Variants in FRY observed in about 807,000 individuals in gnomAD.
FRY encodes FRY microtubule binding protein, also known as protein furry homolog.
A neutral mutation model predicts 348.4 loss-of-function variants in FRY; 128 were observed. That is an observed-to-expected ratio of 0.37 (90% CI 0.32 to 0.43). The LOEUF (loss-of-function observed/expected upper bound fraction) is 0.43. Ranked by LOEUF, FRY falls within the 20% of genes least tolerant of loss-of-function variation. The pLI is 1.00. For synonymous variants in FRY, 1,370 were observed against 1,374.7 expected (o/e 1.00, Z 0.08); for missense variants, 2,736 against 3,695.2 (o/e 0.74, Z 6.73).
intron 1 of FRY, among the ~76,000 whole-genome samples, chr13:32,074,442 TCTC>T (rs1487865474): frequency 6.6e-6 from 1 of 152,146 alleles, no homozygotes; most frequent in Non-Finnish European, 1.5e-5. Context: ...GTAATGCTCT[TCTC>T]CTCCACTCCA....
intron 1 of FRY, among the ~76,000 whole-genome samples, chr13:32,044,126 AC>A (rs1872891056): frequency 6.6e-6 from 1 of 152,252 alleles, no homozygotes; most frequent in Non-Finnish European, 1.5e-5. Flanking sequence ...GTTAAAATTA[AC>A]AAGTTCAATA....
At chr13:32,190,654 T>C (rs1566121140) in intron 28 of FRY, among the ~76,000 whole-genome samples, 1 of 152,112 alleles carries the variant, frequency 6.6e-6, no homozygotes, top group Non-Finnish European at 1.5e-5. Context: ...CATAGAAATA[T>C]ATAAGGCATT....
Position 32,288,844 on chromosome 13 carries a change from A to G in FRY, c.8470-789A>G, listed in dbSNP as rs79505588. On this transcript the variant is annotated intron_variant, in intron 58 of 60. Transcript: ENST00000542859. ...TGGGAGCAAACTCATTCTTGGAATA[A>G]AATAGGCAAAGTGTAGAGGGTACAG... Among the ~76,000 whole-genome samples the G allele has an allele frequency of 4.3e-3, 659 of 152,332 alleles. 10 individuals carry two copies. Among genetic ancestry groups the G allele is most frequent in the African/African-American group, 0.015 (631 of 41,574 alleles).
chr13:32,250,658 C>T (rs770872490), intron 49 of FRY, among the ~76,000 whole-genome samples: 12 of 152,108 alleles, frequency 7.9e-5, no homozygotes, highest in East Asian at 3.8e-4. Context: ...GGAGCCTTTC[C>T]GAGATAAAAA....
intron 7 of FRY, among the ~76,000 whole-genome samples, 180 bp downstream of exon 7, chr13:32,125,055 T>G (rs932283676): frequency 6.6e-6 from 1 of 152,254 alleles, no homozygotes; most frequent in Non-Finnish European, 1.5e-5. Context: ...ATTATCTTTT[T>G]TACTTGGCAC....
In FRY at chr13:32,212,284, A is replaced by G. The variant is rs760957283; in HGVS notation, c.4592-8A>G. Reference sequence around the variant, plus strand: ...TTATAAGTGTTTTTCTTCCATTCCCATCTACAGGAACCACCTCTAGCAGCA... The same window carrying G: ...TTATAAGTGTTTTTCTTCCATTCCCGTCTACAGGAACCACCTCTAGCAGCA... On this transcript the variant is annotated splice_polypyrimidine_tract_variant and splice_region_variant and intron_variant, in intron 34 of 60. Coordinates refer to ENST00000542859, the MANE Select transcript of FRY (RefSeq NM_023037.3). The G allele has an allele frequency of 1.3e-6, 2 of 1,572,724 alleles. No individual in the cohort carries two copies. The highest frequency in any genetic ancestry group is 3.3e-5 in the Admixed American group (2 of 59,796).
intron 53 of FRY, among the ~76,000 whole-genome samples, chr13:32,262,721 G>A (rs551808670): frequency 6.6e-6 from 1 of 152,328 alleles, no homozygotes; most frequent in South Asian, 2.1e-4. Flanking sequence ...TTTTTAAAAT[G>A]AGACATTTTG....
At chr13:32,143,973 A>G (rs2035737503) in intron 11 of FRY, among the ~76,000 whole-genome samples, 1 of 152,208 alleles carries the variant, frequency 6.6e-6, no homozygotes, top group Non-Finnish European at 1.5e-5. Context: ...CTAATAAATT[A>G]TAAGGCAAGG....
In FRY at chr13:32,256,700, T is replaced by A. The variant is rs1593809322; in HGVS notation, c.7416+2306T>A. Among the ~76,000 whole-genome samples the A allele has an allele frequency of 2.6e-5, 4 of 152,108 alleles. No individual in the cohort carries two copies. The South Asian group carries it at 8.3e-4, about 32-fold the overall frequency. Reference sequence around the variant, plus strand: ...GAGTGAAGATGCCTGAACTTCAGAGTCCAACAGCTCCAGGTTTGAATTTCA... The same window carrying A: ...GAGTGAAGATGCCTGAACTTCAGAGACCAACAGCTCCAGGTTTGAATTTCA... On this transcript the variant is annotated intron_variant, in intron 51 of 60. Transcript: ENST00000542859.
At chr13:32,056,463 G>C in intron 1 of FRY, among the ~76,000 whole-genome samples, 1 of 152,156 alleles carries the variant, frequency 6.6e-6, no homozygotes, top group East Asian at 1.9e-4. Context: ...CTTGGCAAAT[G>C]CTACCTACAA....
intron 8 of FRY, among the ~76,000 whole-genome samples, chr13:32,133,787 T>TTTTTTTTTTTTTTTTTTA (rs1879528346): frequency 6.9e-6 from 1 of 144,770 alleles, no homozygotes; most frequent in Non-Finnish European, 1.5e-5. Flanking sequence ...TTTTTTTTTT[T>TTTTTTTTTTTTTTTTTTA]TTTGAATTTG....
At position 32,295,434 on chromosome 13, in the gene FRY, T is replaced by C. The variant is rs747460592; in HGVS notation, c.9016T>C (p.Ser3006Pro). Residue 3006 changes from serine to proline, a missense_variant, in exon 61 of 61, where the codon TCC becomes CCC. Transcript: ENST00000542859. ...AGTCCTCACTACTTTTCTTCCAGAC[T>C]CCAGTGTTTCTGGCACTAGTCTCTG... is the stretch of plus-strand genomic sequence containing the variant. ...YRVLTTFLPD[S>P]SVSGTSL 3 of 1,611,696 alleles carry C rather than the reference T, an allele frequency of 1.9e-6. No homozygotes were observed. Among genetic ancestry groups the C allele is most frequent in the Non-Finnish European group, 2.5e-6 (3 of 1,179,936 alleles).
At chr13:32,178,538 G>A (rs1882505670) in intron 21 of FRY, 102 bp downstream of exon 21, 1 of 1,284,528 alleles carries the variant, frequency 7.8e-7, no homozygotes, top group Admixed American at 2.1e-5. Flanking sequence ...CCCAATTTCT[G>A]AACTTCCTAC....
chr13:32,156,084 A>G (rs1352505305), intron 15 of FRY, among the ~76,000 whole-genome samples: 1 of 152,174 alleles, frequency 6.6e-6, no homozygotes, highest in African/African-American at 2.4e-5. Context: ...AACACACATC[A>G]GGTTATATTG....
chr13:32,202,136 T>G (rs1884065475), intron 30 of FRY, 96 bp downstream of exon 30: 9 of 867,530 alleles, frequency 1.0e-5, no homozygotes, highest in Non-Finnish European at 1.6e-5. Context: ...TGATAGGCCT[T>G]TGTTTATTTC....
chr13:32,238,103 T>G, intron 44 of FRY, 117 bp downstream of exon 44: 1 of 1,077,046 alleles, frequency 9.3e-7, no homozygotes, highest in Non-Finnish European at 1.4e-6. Context: ...AATGGTTCCT[T>G]GGGAGTAGTT....
intron 38 of FRY, 135 bp from the exon 39 acceptor site, chr13:32,225,654 T>C (rs1370228824): frequency 5.1e-6 from 4 of 790,496 alleles, no homozygotes; most frequent in Non-Finnish European, 9.0e-6. Flanking sequence ...TGTATGTTGG[T>C]AACCCAAACA....
chr13:32,224,402 G>C lies in FRY; in HGVS notation c.4916+17G>C. 1.2e-6 allele frequency: 2 copies of C among 1,612,266 alleles called. No homozygotes were observed. Among genetic ancestry groups the C allele is most frequent in the African/African-American group, 1.3e-5 (1 of 74,990 alleles). On this transcript the variant is annotated intron_variant, in intron 37 of 60. Coordinates refer to ENST00000542859, the MANE Select transcript of FRY (RefSeq NM_023037.3). ...ACTCCACAGGTGAGCAGCATGTGTG[G>C]GGAGAAGGAAATCTTAGCTTTGACT...
rs67436878 is a variant in FRY at position 32,145,539 on chromosome 13, T to TG, written c.1180-1743_1180-1742insG. 1.2e-4 allele frequency among the ~76,000 whole-genome samples: 17 copies of TG among 137,318 alleles called. No homozygotes were observed. The East Asian group carries it at 1.7e-3, about 14-fold the overall frequency. The allele number at this position is 137,318 out of a possible 152,430, so 90.1% of individuals were successfully genotyped here. On this transcript the variant is annotated intron_variant, in intron 11 of 60. Transcript: ENST00000542859. The stretch of plus-strand genomic sequence containing the variant: ...TCTGACTGATTTGTTTTTTTTTTTT[T>TG]TTTTTTTTTTTTTTTTGAGACGGAG...
Sources: allele counts gnomAD v4.1 joint callset (sites outside exome capture counted in the v4.1 genomes callset), GRCh38; gene constraint gnomAD v4.1.1; transcripts MANE v1.5; gene names NCBI Gene and HGNC (gene_info 2026-07-23, HGNC 2026-07-21).